Variants in RFX8 observed in about 807,000 individuals in gnomAD.
RFX8 encodes DNA-binding protein RFX8.
Under a neutral mutation model 54.6 loss-of-function variants are expected in RFX8, and 46 were observed. The observed-to-expected ratio is 0.84, with a 90% confidence interval of 0.67 to 1.08. RFX8 has a LOEUF of 1.08. Ranked by LOEUF, RFX8 falls within the 50% of genes least tolerant of loss-of-function variation. RFX8 has a pLI of 0.00. For missense variants in RFX8, 536 were observed against 562.3 expected, an observed-to-expected ratio of 0.95 and a Z score of 0.47; for synonymous variants, 192 against 209.5, an observed-to-expected ratio of 0.92 and a Z score of 0.72.
At chr2:101,446,278 C>A (rs1304483701) in intron 2 of RFX8, among the ~76,000 whole-genome samples, 1 of 152,136 alleles carries the variant, frequency 6.6e-6, no homozygotes, top group Non-Finnish European at 1.5e-5. Context: ...CAGGTTCAAG[C>A]GATTCTGCTG....
chr2:101,406,944 A>G (rs561153489), intron 9 of RFX8, among the ~76,000 whole-genome samples: 10 of 152,340 alleles, frequency 6.6e-5, no homozygotes, highest in Middle Eastern at 3.4e-3. Flanking sequence ...CATTGGCACT[A>G]AACTGTGTAC....
At chr2:101,467,834 AC>A (rs1689662645) in intron 1 of RFX8, among the ~76,000 whole-genome samples, 1 of 151,604 alleles carries the variant, frequency 6.6e-6, no homozygotes, top group African/African-American at 2.4e-5. Context: ...TCCAGCCACT[AC>A]CTTCCTTTCC....
At chr2:101,430,659 C>T (rs899530316) in intron 2 of RFX8, among the ~76,000 whole-genome samples, 2 of 152,170 alleles carry the variant, frequency 1.3e-5, no homozygotes, top group African/African-American at 2.4e-5. Context: ...GCTTAAGCCA[C>T]CCAGTCGGTG....
chr2:101,460,028 A>G (rs937763864), intron 2 of RFX8, among the ~76,000 whole-genome samples: 2 of 152,220 alleles, frequency 1.3e-5, no homozygotes, highest in African/African-American at 4.8e-5. Context: ...GCAAGGCTCC[A>G]TGGGCATGGG....
At chr2:101,437,046 C>A (rs2871421) in intron 2 of RFX8, among the ~76,000 whole-genome samples, 114,932 of 151,928 alleles carry the variant, frequency 0.76, 44,419 homozygotes, top group Middle Eastern at 0.88. Flanking sequence ...CTTCATGGGG[C>A]CTGTCATGAT....
intron 1 of RFX8, chr2:101,474,261 C>CA: frequency 1.6e-6 from 1 of 611,398 alleles, no homozygotes; most frequent in East Asian, 3.4e-5. Context: ...GCGAGGCCGG[C>CA]ACCCCCTCGG....
At chr2:101,426,349 A>G (rs1687167115) in intron 2 of RFX8, among the ~76,000 whole-genome samples, 1 of 151,942 alleles carries the variant, frequency 6.6e-6, no homozygotes, top group African/African-American at 2.4e-5. Context: ...AAAATTAAAA[A>G]AAAACAAAAA....
rs1431327093 is a variant in RFX8 at position 101,450,624 on chromosome 2, C to T, written c.72+16153G>A. On this transcript the variant is annotated intron_variant, in intron 2 of 11. Coordinates refer to ENST00000428343, the MANE Select transcript of RFX8 (RefSeq NM_001145664.2). ...ATACCTTTTTTCACCTATCAGGTAG[C>T]AATACTGGGCATAGAAGAAAGAGCT... is the stretch of plus-strand genomic sequence containing the variant. The T allele has an allele frequency of 2.6e-6, 4 of 1,513,668 alleles. No homozygotes were observed. In the Admixed American group the frequency reaches 5.9e-5, roughly 22 times the overall value. The allele number at this position is 1,513,668 out of a possible 1,614,324, so 93.8% of individuals were successfully genotyped here. A position where few individuals can be genotyped will look rare whatever the true frequency, so the allele number is the denominator to read the frequency against.
At chr2:101,412,621 G>T (rs1397767811) in intron 8 of RFX8, among the ~76,000 whole-genome samples, 2 of 152,288 alleles carry the variant, frequency 1.3e-5, no homozygotes, top group East Asian at 1.9e-4. Context: ...ATATTCTGGA[G>T]ATAAATACTG....
chr2:101,456,088 C>G (rs1020077748), intron 2 of RFX8, among the ~76,000 whole-genome samples: 2 of 152,168 alleles, frequency 1.3e-5, no homozygotes, highest in Non-Finnish European at 2.9e-5. Flanking sequence ...GCTGAAGTTG[C>G]TTATCAGCTT....
chr2:101,423,237 G>A (rs1236171409), intron 2 of RFX8, among the ~76,000 whole-genome samples: 3 of 135,756 alleles, frequency 2.2e-5, no homozygotes, highest in Non-Finnish European at 3.1e-5. Flanking sequence ...TAGCCTTGGC[G>A]ACAAAGAGCA....
chr2:101,398,940 A>G (rs1182737449), intron 11 of RFX8, among the ~76,000 whole-genome samples: 1 of 152,214 alleles, frequency 6.6e-6, no homozygotes, highest in Non-Finnish European at 1.5e-5. Context: ...TTTTCAAAAA[A>G]TTGTTTTCAC....
intron 8 of RFX8, among the ~76,000 whole-genome samples, chr2:101,412,409 C>T (rs1686192705): frequency 6.6e-6 from 1 of 152,144 alleles, no homozygotes; most frequent in Non-Finnish European, 1.5e-5. Context: ...AGAATATCCA[C>T]CTGCTTCCTG....
intron 2 of RFX8, among the ~76,000 whole-genome samples, chr2:101,426,365 A>G (rs1687169210): frequency 6.6e-6 from 1 of 151,986 alleles, no homozygotes. Flanking sequence ...AAAAACACAA[A>G]AAACATTTCT....
At chr2:101,450,815 G>A in intron 2 of RFX8, 1 of 609,794 alleles carries the variant, frequency 1.6e-6, no homozygotes, top group African/African-American at 1.8e-5. Context: ...CTCTGGAAAA[G>A]CTAATCCTTC....
Position 101,413,069 on chromosome 2 carries a change from A to G in RFX8, c.564T>C (p.Thr188=). The stretch of plus-strand genomic sequence containing the variant: ...TCTTACTTTTCAATACCATTCGCAT[A>G]GTCTAAAGATAACAGGGAGGCATAA... ...RKTYLSNMAK[T]MRMVLKSKRR... The change falls in exon 8 of 12, where the codon ACT becomes ACC. Residue 188 remains threonine, a splice_region_variant and synonymous_variant. Coordinates refer to ENST00000428343, the MANE Select transcript of RFX8 (RefSeq NM_001145664.2). 2 of 1,551,482 alleles carry G rather than the reference A, an allele frequency of 1.3e-6. No individual in the cohort carries two copies. Among genetic ancestry groups the G allele is most frequent in the Non-Finnish European group, 1.7e-6 (2 of 1,146,788 alleles).
intron 2 of RFX8, among the ~76,000 whole-genome samples, chr2:101,432,968 G>T (rs367970657): frequency 6.6e-6 from 1 of 152,146 alleles, no homozygotes; most frequent in Non-Finnish European, 1.5e-5. Flanking sequence ...CTGCTCCTCA[G>T]GGCCCAAGCC....
rs374167633 is a variant in RFX8 at position 101,422,413 on chromosome 2, C to A, written c.132G>T (p.Arg44Ser). Residue 44 changes from arginine (R) to serine (S), a missense_variant, in exon 3 of 12, where the codon AGG (arginine) becomes AGT (serine). Physicochemically the swap from Arg to Ser is moderately radical, Grantham distance 110. Transcript: ENST00000428343. Reference sequence around the variant, plus strand: ...GTTCTTGCTCCAGAAATGGACATCTCCTGAATTCAGACAAAGGGGATCCAA... The same window carrying A: ...GTTCTTGCTCCAGAAATGGACATCTACTGAATTCAGACAAAGGGGATCCAA... Reference protein sequence around the residue: ...DPVGSPLSEFRRCPFLEQEQA... With the variant: ...DPVGSPLSEFSRCPFLEQEQA... The A allele has an allele frequency of 4.0e-4, 616 of 1,550,404 alleles. No individual in the cohort carries two copies. Among genetic ancestry groups the A allele is most frequent in the Non-Finnish European group, 5.2e-4 (595 of 1,145,764 alleles).
chr2:101,402,351 A>G, intron 11 of RFX8, 85 bp downstream of exon 11: 1 of 1,166,360 alleles, frequency 8.6e-7, no homozygotes, highest in Non-Finnish European at 1.2e-6. Context: ...TGTTTGGACA[A>G]AGTGATCTTG....
Sources: gnomAD v4.1 joint callset for allele counts (sites outside exome capture counted in the v4.1 genomes callset) on GRCh38, gnomAD v4.1.1 for gene constraint, MANE v1.5 for transcripts, NCBI Gene and HGNC (gene_info 2026-07-23, HGNC 2026-07-21) for gene names.